The following MAN1C1 variants were observed in gnomAD, a reference collection of about 807,000 sequenced individuals.
The protein encoded by MAN1C1 is mannosidase alpha class 1C member 1.
In MAN1C1, 49 loss-of-function variants were observed where a neutral mutation model predicts 71.5. The ratio of observed to expected loss-of-function variants is 0.69; its 90% CI spans 0.54 to 0.87. The LOEUF (loss-of-function observed/expected upper bound fraction) is 0.87. MAN1C1 is among the 40% of genes least tolerant of loss of function. The probability of loss-of-function intolerance (pLI) is 0.00; values close to 1 mark genes in which losing one functional copy is unlikely to be tolerated. For missense variants in MAN1C1, 743 were observed against 835.0 expected (o/e 0.89, Z 1.36); for synonymous variants, 352 against 343.7 (o/e 1.02, Z -0.27).
chr1:25,696,126 G>A (rs1000392094), intron 2 of MAN1C1, among the ~76,000 whole-genome samples: 2 of 152,170 alleles, frequency 1.3e-5, no homozygotes, highest in African/African-American at 4.8e-5. Flanking sequence ...AGCGTGTTCC[G>A]CCCACTTTGC....
chr1:25,783,521 G>A lies in MAN1C1; in HGVS notation c.1767-142G>A, dbSNP rs555004572. 69 of 865,098 alleles carry A rather than the reference G, an allele frequency of 8.0e-5. 1 individual carries two copies. In the African/African-American group the frequency reaches 9.6e-4, roughly 12 times the overall value. The allele number at this position is 865,098 out of a possible 1,614,324, so 53.6% of individuals were successfully genotyped here. On this transcript the variant is annotated intron_variant, in intron 11 of 11. Coordinates refer to ENST00000374332, the MANE Select transcript of MAN1C1 (RefSeq NM_020379.4). ...CCAGGACTAGCACCCCCACCCTGCT[G>A]CCCACAGTTTTGGGGTTGCAAGGCT... is the stretch of plus-strand genomic sequence containing the variant.
At chr1:25,702,022 G>A (rs1267220) in intron 2 of MAN1C1, among the ~76,000 whole-genome samples, 1 of 150,658 alleles carries the variant, frequency 6.6e-6, no homozygotes, top group Non-Finnish European at 1.5e-5. Flanking sequence ...ATCTCACCGC[G>A]GCACTCCAGC....
chr1:25,729,902 C>T (rs1022380527), intron 2 of MAN1C1, among the ~76,000 whole-genome samples: 3 of 152,172 alleles, frequency 2.0e-5, no homozygotes, highest in Non-Finnish European at 4.4e-5. Flanking sequence ...ATTCCAAACC[C>T]AGGTCCCCGT....
chr1:25,640,614 C>T (rs745316120), intron 1 of MAN1C1, among the ~76,000 whole-genome samples: 20 of 152,112 alleles, frequency 1.3e-4, no homozygotes, highest in Non-Finnish European at 2.6e-4. Context: ...ATCAATTTTG[C>T]TACTTCAGAT....
intron 2 of MAN1C1, among the ~76,000 whole-genome samples, chr1:25,744,107 T>G (rs1488836576): frequency 6.6e-6 from 1 of 152,096 alleles, no homozygotes. Flanking sequence ...TTCAAACGTC[T>G]GGTTTGAGGT....
chr1:25,626,062 C>G (rs902122397), intron 1 of MAN1C1, among the ~76,000 whole-genome samples: 1 of 152,120 alleles, frequency 6.6e-6, no homozygotes, highest in African/African-American at 2.4e-5. Flanking sequence ...ATTTTATGTA[C>G]AAGTCTGTGT....
chr1:25,767,597 A>C (rs1323142206), intron 7 of MAN1C1, among the ~76,000 whole-genome samples: 1 of 114,420 alleles, frequency 8.7e-6, no homozygotes, highest in Non-Finnish European at 1.8e-5. Flanking sequence ...CACATACCAC[A>C]CTACCCTCAC....
chr1:25,727,329 A>C (rs1014940626), intron 2 of MAN1C1, among the ~76,000 whole-genome samples: 3 of 152,194 alleles, frequency 2.0e-5, no homozygotes, highest in Non-Finnish European at 1.5e-5. Context: ...AGTCCAGGGC[A>C]CTGGTGGTAT....
chr1:25,669,867 C>CCA (rs1252073961), intron 1 of MAN1C1, among the ~76,000 whole-genome samples: 1 of 152,216 alleles, frequency 6.6e-6, no homozygotes, highest in Non-Finnish European at 1.5e-5. Flanking sequence ...AAACAAGGCC[C>CCA]TTTACTACCC....
At chr1:25,770,022 G>T (rs2047526705) in intron 7 of MAN1C1, among the ~76,000 whole-genome samples, 1 of 152,076 alleles carries the variant, frequency 6.6e-6, no homozygotes. Flanking sequence ...TAGCTGCCGT[G>T]CCCATGACGG....
chr1:25,774,230 G>T (rs370277574), intron 8 of MAN1C1, among the ~76,000 whole-genome samples: 2 of 152,324 alleles, frequency 1.3e-5, no homozygotes, highest in South Asian at 4.1e-4. Context: ...ACCGGGGAGG[G>T]TCAGACAGAT....
intron 1 of MAN1C1, among the ~76,000 whole-genome samples, chr1:25,652,785 G>C (rs975486409): frequency 6.6e-6 from 1 of 152,180 alleles, no homozygotes; most frequent in Non-Finnish European, 1.5e-5. Flanking sequence ...TGCCTGGCCC[G>C]TAGGAGGTGT....
intron 1 of MAN1C1, among the ~76,000 whole-genome samples, chr1:25,619,726 A>T (rs2045176926): frequency 1.3e-5 from 2 of 152,184 alleles, no homozygotes; most frequent in African/African-American, 4.8e-5. Context: ...GCAGTAGCTA[A>T]GTAAGGGGCA....
At chr1:25,653,739 G>A (rs2045724803) in intron 1 of MAN1C1, among the ~76,000 whole-genome samples, 1 of 152,194 alleles carries the variant, frequency 6.6e-6, no homozygotes, top group Non-Finnish European at 1.5e-5. Flanking sequence ...GAGTAGCCCA[G>A]CTCTTCCCTA....
intron 1 of MAN1C1, among the ~76,000 whole-genome samples, chr1:25,670,499 G>T (rs112130567): frequency 6.6e-6 from 1 of 152,194 alleles, no homozygotes; most frequent in South Asian, 2.1e-4. Context: ...GAGCCTTCAG[G>T]GGGTGGGAAT....
At chr1:25,624,555 C>T (rs1037663123) in intron 1 of MAN1C1, among the ~76,000 whole-genome samples, 4 of 152,194 alleles carry the variant, frequency 2.6e-5, no homozygotes, top group African/African-American at 9.7e-5. Context: ...AATTGTCCAT[C>T]TGTTTTAGTG....
intron 2 of MAN1C1, among the ~76,000 whole-genome samples, chr1:25,724,792 G>T (rs1009388202): frequency 6.6e-6 from 1 of 152,184 alleles, no homozygotes; most frequent in African/African-American, 2.4e-5. Flanking sequence ...CTGCCACCCT[G>T]ATTTGCATTC....
At chr1:25,734,173 G>A (rs550281546) in intron 2 of MAN1C1, among the ~76,000 whole-genome samples, 77 of 152,112 alleles carry the variant, frequency 5.1e-4, no homozygotes, top group African/African-American at 1.8e-3. Context: ...CTGTCACCCA[G>A]GCTGGAGTGC....
chr1:25,654,215 A>G (rs2045731343), intron 1 of MAN1C1: 2 of 152,058 alleles, frequency 1.3e-5, no homozygotes, highest in Admixed American at 1.3e-4. Context: ...CCTTCCCCTC[A>G]CCAGAGCCTT....
Sources: allele counts gnomAD v4.1 joint callset (sites outside exome capture counted in the v4.1 genomes callset), GRCh38; gene constraint gnomAD v4.1.1; transcripts MANE v1.5; gene names NCBI Gene and HGNC (gene_info 2026-07-23, HGNC 2026-07-21).